Variants in YWHAQ observed in about 807,000 individuals in gnomAD.
The protein encoded by YWHAQ is 14-3-3 protein theta.
YWHAQ carries 6 observed loss-of-function variants against 28.3 expected under a neutral mutation model. That is an observed-to-expected ratio of 0.21 (90% confidence interval 0.12 to 0.42). YWHAQ has a LOEUF of 0.42. Among genes scored for constraint, YWHAQ ranks in the 10% least tolerant of loss-of-function variants. The pLI, the probability that YWHAQ is intolerant of heterozygous loss-of-function variation, is 1.00. For synonymous variants in YWHAQ, 143 were observed against 119.1 expected, an observed-to-expected ratio of 1.20 and a Z score of -1.31; for missense variants, 201 against 305.6, an observed-to-expected ratio of 0.66 and a Z score of 2.55.
At chr2:9,627,603 G>A (rs1157177843) in intron 2 of YWHAQ, among the ~76,000 whole-genome samples, 2 of 152,190 alleles carry the variant, frequency 1.3e-5, no homozygotes, top group African/African-American at 4.8e-5. Flanking sequence ...GCCAAGTCAT[G>A]AGGACTGCTT....
At chr2:9,608,556 T>A (rs1006650923) in intron 2 of YWHAQ, among the ~76,000 whole-genome samples, 1 of 152,234 alleles carries the variant, frequency 6.6e-6, no homozygotes. Flanking sequence ...TGGAGCACAG[T>A]GTGCCCAGCA....
At chr2:9,625,037 C>G (rs938848638) in intron 2 of YWHAQ, among the ~76,000 whole-genome samples, 4 of 151,966 alleles carry the variant, frequency 2.6e-5, no homozygotes, top group Non-Finnish European at 4.4e-5. Flanking sequence ...AGCCACCATG[C>G]CCAGCCCATT....
At chr2:9,623,799 AAT>A (rs1667194457) in intron 2 of YWHAQ, among the ~76,000 whole-genome samples, 1 of 151,914 alleles carries the variant, frequency 6.6e-6, no homozygotes. Flanking sequence ...AAATAAATAA[AAT>A]TAAATTTAAA....
rs115507412 is a variant in YWHAQ, at chr2:9,613,633, C to T, written c.294+16526G>A. On this transcript the variant is annotated intron_variant, in intron 2 of 5. Transcript: ENST00000238081. ...TTATCTCCATGACCCAAATATTTCT[C>T]GACATCTTTTCCCAGTCCATCTGAT... Among the ~76,000 whole-genome samples the T allele has an allele frequency of 1.5e-3, 225 of 152,312 alleles. 2 individuals carry two copies. Among genetic ancestry groups the T allele is most frequent in the African/African-American group, 4.8e-3 (198 of 41,548 alleles).
At chr2:9,603,119 G>C (rs1666748259) in intron 2 of YWHAQ, among the ~76,000 whole-genome samples, 1 of 151,674 alleles carries the variant, frequency 6.6e-6, no homozygotes, top group Middle Eastern at 3.4e-3. Flanking sequence ...CATTCATATA[G>C]CTAAAGTATA....
At chr2:9,590,981 C>T (rs967131547) in intron 3 of YWHAQ, among the ~76,000 whole-genome samples, 2 of 152,184 alleles carry the variant, frequency 1.3e-5, no homozygotes, top group African/African-American at 2.4e-5. Flanking sequence ...AAAAGCACAA[C>T]AACCTGTTTC....
Position 9,598,077 on chromosome 2 carries a change from G to A in YWHAQ, c.295-6562C>T, listed in dbSNP as rs112219875. Among the ~76,000 whole-genome samples the A allele has an allele frequency of 2.6e-3, 361 of 140,928 alleles. 2 individuals carry two copies. The highest frequency in any genetic ancestry group is 8.8e-3 in the African/African-American group (336 of 38,098). 92.5% of individuals were successfully genotyped at this position (140,928 alleles called of 152,430 possible). A position where few individuals can be genotyped will look rare whatever the true frequency, so the allele number is the denominator to read the frequency against. On this transcript the variant is annotated intron_variant, in intron 2 of 5. Coordinates refer to ENST00000238081, the MANE Select transcript of YWHAQ (RefSeq NM_006826.4). Reference sequence around the variant, plus strand: ...TCAAACTCCCGACTTCAGGTGGTCCGCCTGCCTTGGCCTCCCAATGTTGGG... The same window carrying A: ...TCAAACTCCCGACTTCAGGTGGTCCACCTGCCTTGGCCTCCCAATGTTGGG...
At chr2:9,629,982 C>T (rs920125450) in intron 2 of YWHAQ, among the ~76,000 whole-genome samples, 177 bp downstream of exon 2, 2 of 152,196 alleles carry the variant, frequency 1.3e-5, no homozygotes, top group South Asian at 2.1e-4. Flanking sequence ...GGAAAAGCGG[C>T]TTCTTGAGTC....
At chr2:9,587,916 C>T (rs1259892988) in intron 4 of YWHAQ, among the ~76,000 whole-genome samples, 1 of 152,172 alleles carries the variant, frequency 6.6e-6, no homozygotes, top group Non-Finnish European at 1.5e-5. Flanking sequence ...TCCTTCTTAA[C>T]ATCATTTATC....
chr2:9,592,051 G>A (rs1666467061), intron 2 of YWHAQ, among the ~76,000 whole-genome samples: 1 of 152,098 alleles, frequency 6.6e-6, no homozygotes, highest in African/African-American at 2.4e-5. Context: ...AAGTAGAAAT[G>A]CACCAAACAG....
chr2:9,627,501 C>A (rs898056662), intron 2 of YWHAQ, among the ~76,000 whole-genome samples: 2 of 152,170 alleles, frequency 1.3e-5, no homozygotes, highest in Non-Finnish European at 2.9e-5. Flanking sequence ...CAGTTCAGAT[C>A]ACAGACTGGT....
chr2:9,623,562 T>C (rs2125074117), intron 2 of YWHAQ, among the ~76,000 whole-genome samples: 1 of 152,110 alleles, frequency 6.6e-6, no homozygotes, highest in Non-Finnish European at 1.5e-5. Context: ...TCACCTGAGG[T>C]CGGGAGTTTG....
At chr2:9,619,982 T>C (rs1025339886) in intron 2 of YWHAQ, among the ~76,000 whole-genome samples, 9 of 152,216 alleles carry the variant, frequency 5.9e-5, no homozygotes, top group African/African-American at 1.4e-4. Flanking sequence ...GTACTAATTA[T>C]TGAAGAACAA....
At chr2:9,593,897 T>TTA (rs371886951) in intron 2 of YWHAQ, among the ~76,000 whole-genome samples, 10 of 65,418 alleles carry the variant, frequency 1.5e-4, no homozygotes, top group South Asian at 1.0e-3. Context: ...TTTAAATAGA[T>TTA]TAAAAAAAAT....
At chr2:9,607,207 CTTTTTT>C (rs61190266) in intron 2 of YWHAQ, among the ~76,000 whole-genome samples, 2 of 129,092 alleles carry the variant, frequency 1.5e-5, no homozygotes, top group Non-Finnish European at 3.3e-5. Flanking sequence ...TTTTTTTTTT[CTTTTTT>C]TTTTTGAGAC....
At chr2:9,606,248 G>C (rs946118430) in intron 2 of YWHAQ, among the ~76,000 whole-genome samples, 6 of 151,978 alleles carry the variant, frequency 3.9e-5, no homozygotes, top group African/African-American at 1.5e-4. Flanking sequence ...ACATCTTTCT[G>C]AACCCAGTGT....
At chr2:9,622,733 G>T (rs1667166823) in intron 2 of YWHAQ, among the ~76,000 whole-genome samples, 1 of 152,148 alleles carries the variant, frequency 6.6e-6, no homozygotes, top group Non-Finnish European at 1.5e-5. Flanking sequence ...CAATTACTCT[G>T]AAGTCCTAGG....
At chr2:9,599,368 C>T (rs1451229563) in intron 2 of YWHAQ, among the ~76,000 whole-genome samples, 1 of 152,138 alleles carries the variant, frequency 6.6e-6, no homozygotes, top group African/African-American at 2.4e-5. Flanking sequence ...GATGGCTACA[C>T]AAAATACCAT....
chr2:9,598,925 T>G (rs140641705), intron 2 of YWHAQ, among the ~76,000 whole-genome samples: 14 of 152,352 alleles, frequency 9.2e-5, no homozygotes, highest in South Asian at 6.2e-4. Flanking sequence ...GAGGAAGGCA[T>G]GTCGAAAGCC....
Sources: allele counts gnomAD v4.1 joint callset (sites outside exome capture counted in the v4.1 genomes callset), GRCh38; gene constraint gnomAD v4.1.1; transcripts MANE v1.5; gene names NCBI Gene and HGNC (gene_info 2026-07-23, HGNC 2026-07-21).